Variants in TENT4A observed in about 807,000 individuals in gnomAD.
TENT4A encodes terminal nucleotidyltransferase 4A, also known as DNA polymerase kappa.
A neutral mutation model predicts 72.8 loss-of-function variants in TENT4A; 7 were observed. That is an observed-to-expected ratio of 0.10 (90% confidence interval 0.05 to 0.18). The LOEUF is 0.18. TENT4A is among the 10% of genes least tolerant of loss of function. The pLI is 1.00. For synonymous variants in TENT4A, 456 were observed against 434.3 expected (o/e 1.05, Z -0.62); for missense variants, 831 against 1,017.7 (o/e 0.82, Z 2.50).
intron 1 of TENT4A, 42 bp downstream of exon 1, chr5:6,714,741 T>TGGTCCTGGCCGGCGCCCGC (rs151312829): frequency 0.24 from 242,080 of 1,000,838 alleles, 40,027 homozygotes; most frequent in South Asian, 0.3. Context: ...GCGGGGCCCA[T>TGGTCCTGGCCGGCGCCCGC]GGTCCTGGCC....
chr5:6,720,813 G>A (rs567907388), intron 1 of TENT4A, among the ~76,000 whole-genome samples: 2 of 152,274 alleles, frequency 1.3e-5, no homozygotes, highest in Non-Finnish European at 2.9e-5. Context: ...TTTAGGAAAG[G>A]GGTCTTTCCT....
rs1171266770 is a variant in TENT4A at position 6,749,641 on chromosome 5, C to G, written c.1671C>G (p.His557Gln). ...AAGAGAAGTGGGGCAGCAAAGCCCA[C>G]CCGTCGCCAGGCATGGGTGAGAGAT... is the stretch of plus-strand genomic sequence containing the variant. ...WIKEKWGSKA[H>Q]PSPGMDSRIK... Residue 557 changes from histidine (H) to glutamine (Q), a missense_variant, in exon 9 of 13, where the codon CAC becomes CAG. Around this residue, in one of 3 missense-constraint regions of TENT4A, gnomAD observed 332 missense variants for 324.3 expected, o/e 1.02. Coordinates refer to ENST00000230859, the MANE Select transcript of TENT4A (RefSeq NM_006999.6). 1.2e-6 allele frequency: 2 copies of G among 1,611,420 alleles called. No individual in the cohort carries two copies. The highest frequency in any genetic ancestry group is 2.7e-5 in the African/African-American group (2 of 74,972).
chr5:6,732,336 C>G (rs933472971), intron 1 of TENT4A, among the ~76,000 whole-genome samples: 4 of 152,168 alleles, frequency 2.6e-5, no homozygotes, highest in South Asian at 2.1e-4. Context: ...GAAAATCGTC[C>G]CCTAAATGGG....
chr5:6,740,156 C>T (rs753782187), intron 4 of TENT4A, among the ~76,000 whole-genome samples: 10 of 152,152 alleles, frequency 6.6e-5, no homozygotes, highest in Non-Finnish European at 1.5e-4. Flanking sequence ...AAAGGAGAGT[C>T]ATCTGAAACC....
intron 11 of TENT4A, chr5:6,751,488 C>T: frequency 2.7e-6 from 1 of 370,230 alleles, no homozygotes; most frequent in Non-Finnish European, 4.9e-6. Context: ...CATGAGACTG[C>T]TGTCGAGGGT....
At chr5:6,745,206 A>G (rs914511429) in intron 6 of TENT4A, among the ~76,000 whole-genome samples, 9 of 152,254 alleles carry the variant, frequency 5.9e-5, no homozygotes, top group African/African-American at 1.9e-4. Context: ...AATAAAGGTC[A>G]GGCCAGAATC....
At chr5:6,729,441 A>G (rs975424243) in intron 1 of TENT4A, among the ~76,000 whole-genome samples, 8 of 152,260 alleles carry the variant, frequency 5.3e-5, no homozygotes, top group African/African-American at 1.7e-4. Flanking sequence ...ATATCTGGAA[A>G]GACAACAGAA....
chr5:6,740,574 AGGGGAGG>A (rs28363358), intron 4 of TENT4A, among the ~76,000 whole-genome samples: 2,939 of 138,186 alleles, frequency 0.021, 37 homozygotes, highest in Non-Finnish European at 0.033. Context: ...GTGTGGTGAT[AGGGGAGG>A]GGGCATTCAC....
intron 4 of TENT4A, among the ~76,000 whole-genome samples, chr5:6,742,059 T>C (rs1334513289): frequency 6.6e-6 from 1 of 152,216 alleles, no homozygotes; most frequent in Non-Finnish European, 1.5e-5. Context: ...AAACCCAAAG[T>C]AGAGAAACAA....
intron 1 of TENT4A, among the ~76,000 whole-genome samples, chr5:6,736,495 A>G (rs1741507183): frequency 6.6e-6 from 1 of 152,254 alleles, no homozygotes. Context: ...TAGGAGTCAT[A>G]GAATGGAAGC....
chr5:6,742,680 G>A, intron 5 of TENT4A, 83 bp downstream of exon 5: 2 of 784,736 alleles, frequency 2.5e-6, no homozygotes, highest in South Asian at 1.4e-5. Context: ...GTTTACAGCT[G>A]TCAGCTGCAC....
At chr5:6,715,361 G>A (rs769018386) in intron 1 of TENT4A, among the ~76,000 whole-genome samples, 14 of 152,128 alleles carry the variant, frequency 9.2e-5, no homozygotes, top group Non-Finnish European at 1.8e-4. Context: ...GGGAATTAGA[G>A]GCTCTACTTA....
chr5:6,718,855 C>T (rs1740512715), intron 1 of TENT4A, among the ~76,000 whole-genome samples: 1 of 151,986 alleles, frequency 6.6e-6, no homozygotes, highest in South Asian at 2.1e-4. Context: ...CTGGCCAGGT[C>T]AGGACAGCTG....
Position 6,742,513 on chromosome 5 carries a change from T to A in TENT4A, c.1032T>A (p.Asp344Glu). Residue 344 changes from aspartate to glutamate, a missense_variant, in exon 5 of 13, where the codon GAT becomes GAA. By Grantham distance (45) the Asp-to-Glu change is conservative. Transcript: ENST00000230859. ...AGGTACCAATAATAAAGCTCACAGA[T>A]CAGGAGACTGAAGTGAAAGTTGACA... Reference protein sequence around the residue: ...KATVPIIKLTDQETEVKVDIS... With the variant: ...KATVPIIKLTEQETEVKVDIS... The A allele has an allele frequency of 6.2e-7, 1 of 1,612,138 alleles. No individual in the cohort carries two copies. The highest frequency in any genetic ancestry group is 8.5e-7 in the Non-Finnish European group (1 of 1,178,178).
At chr5:6,741,897 G>T (rs535477347) in intron 4 of TENT4A, among the ~76,000 whole-genome samples, 1 of 152,184 alleles carries the variant, frequency 6.6e-6, no homozygotes, top group East Asian at 1.9e-4. Context: ...GGTGGAGGGT[G>T]GGGCATGAGT....
intron 1 of TENT4A, among the ~76,000 whole-genome samples, chr5:6,721,665 G>A (rs377236654): frequency 1.3e-5 from 2 of 152,214 alleles, no homozygotes; most frequent in South Asian, 2.1e-4. Context: ...GGGCCCGGGC[G>A]GGGTGGATCT....
In TENT4A at chr5:6,752,933, G is replaced by A. The variant is rs1358998923; in HGVS notation, c.2080G>A (p.Gly694Ser). The change falls in exon 12 of 13, where the codon GGT becomes AGT. Residue 694 changes from glycine to serine, a missense_variant. Gly to Ser is a moderately conservative substitution (Grantham distance 56). Coordinates refer to ENST00000230859, the MANE Select transcript of TENT4A (RefSeq NM_006999.6). ...GVAPVPCRQA[G>S]VEGTASLKAV... ...TGCTCCTGTTCCTTGCAGACAAGCTGGTGTAGAAGGAACTGCGTCTTTGAA... is the reference window on the plus strand; with the variant it reads ...TGCTCCTGTTCCTTGCAGACAAGCTAGTGTAGAAGGAACTGCGTCTTTGAA... 2 of 1,614,182 alleles carry A rather than the reference G, an allele frequency of 1.2e-6. No homozygotes were observed. Among genetic ancestry groups the A allele is most frequent in the East Asian group, 4.5e-5 (2 of 44,882 alleles).
At chr5:6,746,023 GTTGTGTTCCTT>G (rs1478089486) in intron 6 of TENT4A, 180 bp from the exon 7 acceptor site, 28 of 1,438,264 alleles carry the variant, frequency 1.9e-5, no homozygotes, top group Non-Finnish European at 2.5e-5. Context: ...AGATGAGTCC[GTTGTGTTCCTT>G]TTGAACACTC....
intron 8 of TENT4A, among the ~76,000 whole-genome samples, chr5:6,748,972 T>G (rs274680): frequency 0.59 from 89,241 of 151,980 alleles, 26,947 homozygotes; most frequent in Middle Eastern, 0.67. Context: ...CCCAGATCAT[T>G]CTGTGGTAGT....
Sources: gnomAD v4.1 joint callset for allele counts (sites outside exome capture counted in the v4.1 genomes callset) on GRCh38, gnomAD v4.1.1 for gene constraint, gnomAD v4.1.1 regional missense constraint, MANE v1.5 for transcripts, NCBI Gene and HGNC (gene_info 2026-07-23, HGNC 2026-07-21) for gene names.